Variants in CSMD1 observed in about 807,000 individuals in gnomAD.
The protein encoded by CSMD1 is CUB and Sushi multiple domains 1.
Under a neutral mutation model 417.5 loss-of-function variants are expected in CSMD1, and 213 were observed. That is an observed-to-expected ratio of 0.51 (90% confidence interval 0.46 to 0.57). The LOEUF is 0.57. Ranked by LOEUF, CSMD1 falls within the 20% of genes least tolerant of loss-of-function variation. The pLI, the probability that CSMD1 is intolerant of heterozygous loss-of-function variation, is 0.00. For synonymous variants in CSMD1, 2,862 were observed against 1,736.8 expected, an observed-to-expected ratio of 1.65 and a Z score of -16.11; for missense variants, 6,923 against 4,529.7, an observed-to-expected ratio of 1.53 and a Z score of -15.17.
chr8:3,860,239 C>A (rs1585102395), intron 5 of CSMD1, among the ~76,000 whole-genome samples: 1 of 152,268 alleles, frequency 6.6e-6, no homozygotes, highest in South Asian at 2.1e-4. Context: ...CAACTGCCTA[C>A]TCTGTTTCAG....
intron 21 of CSMD1, among the ~76,000 whole-genome samples, chr8:3,351,913 C>G (rs1222091264): frequency 3.3e-5 from 5 of 151,960 alleles, no homozygotes; most frequent in African/African-American, 4.8e-5. Flanking sequence ...ACTTTTACAT[C>G]TTTTCTCTGT....
chr8:3,395,218 G>A (rs923292428), intron 17 of CSMD1, among the ~76,000 whole-genome samples: 2 of 152,214 alleles, frequency 1.3e-5, no homozygotes, highest in East Asian at 3.9e-4. Flanking sequence ...CTTTACAATA[G>A]TACTTGAGAT....
chr8:2,955,481 C>G, intron 64 of CSMD1, 108 bp downstream of exon 64: 1 of 1,049,718 alleles, frequency 9.5e-7, no homozygotes, highest in Admixed American at 2.4e-5. Context: ...GATGCTGCAG[C>G]CTCATGCTCT....
chr8:4,214,097 C>T (rs970897666), intron 3 of CSMD1, among the ~76,000 whole-genome samples: 7 of 152,006 alleles, frequency 4.6e-5, no homozygotes, highest in African/African-American at 1.2e-4. Context: ...ATCTTACTCC[C>T]TCAATTTCAT....
At chr8:4,795,718 C>A (rs781161495) in intron 1 of CSMD1, among the ~76,000 whole-genome samples, 1 of 152,132 alleles carries the variant, frequency 6.6e-6, no homozygotes, top group Admixed American at 6.5e-5. Context: ...GGCGGAGAGG[C>A]ATCCTGACAG....
At chr8:3,204,189 T>C (rs1797127246) in intron 31 of CSMD1, among the ~76,000 whole-genome samples, 1 of 152,186 alleles carries the variant, frequency 6.6e-6, no homozygotes, top group Admixed American at 6.5e-5. Flanking sequence ...ACTTTTCAAA[T>C]TGGGAAATTA....
chr8:4,125,054 G>T (rs1056424625), intron 3 of CSMD1, among the ~76,000 whole-genome samples: 1 of 152,160 alleles, frequency 6.6e-6, no homozygotes, highest in African/African-American at 2.4e-5. Context: ...TAATTCAGCT[G>T]TAACACTCGC....
At chr8:3,007,363 C>T (rs1425334908) in intron 52 of CSMD1, among the ~76,000 whole-genome samples, 67 of 151,910 alleles carry the variant, frequency 4.4e-4, no homozygotes, top group Non-Finnish European at 8.8e-4. Context: ...GTCAGTGTGG[C>T]GATTCCTCAG....
At chr8:4,135,122 G>A (rs1042887746) in intron 3 of CSMD1, among the ~76,000 whole-genome samples, 1 of 152,096 alleles carries the variant, frequency 6.6e-6, no homozygotes, top group Non-Finnish European at 1.5e-5. Context: ...AAATGTTCTT[G>A]ACGCACACAA....
At chr8:3,952,646 G>C (rs1029332237) in intron 5 of CSMD1, among the ~76,000 whole-genome samples, 24 of 152,074 alleles carry the variant, frequency 1.6e-4, no homozygotes, top group African/African-American at 4.8e-4. Context: ...TGTTTTCCTG[G>C]GGTGATTACA....
At chr8:4,187,839 G>T (rs6990610) in intron 3 of CSMD1, among the ~76,000 whole-genome samples, 1 of 151,970 alleles carries the variant, frequency 6.6e-6, no homozygotes, top group Non-Finnish European at 1.5e-5. Flanking sequence ...GACTTGCTGA[G>T]ACTATTTCAT....
rs73660739 is a variant in CSMD1 at position 4,306,436 on chromosome 8, T to C, written c.415+113517A>G. On this transcript the variant is annotated intron_variant, in intron 3 of 69. Coordinates refer to ENST00000635120, the MANE Select transcript of CSMD1 (RefSeq NM_033225.6). ...ATACAGTATCATCGTGAAAGTTCAA[T>C]TGATAAAAAATATTTTATCACCTCC... Among the ~76,000 whole-genome samples the C allele has an allele frequency of 7.2e-5, 11 of 152,008 alleles. 1 individual carries two copies. The highest frequency in any genetic ancestry group is 1.9e-4 in the African/African-American group (8 of 41,466).
intron 4 of CSMD1, among the ~76,000 whole-genome samples, chr8:4,010,251 G>T (rs901850467): frequency 2.6e-5 from 4 of 152,002 alleles, no homozygotes; most frequent in African/African-American, 9.7e-5. Context: ...GTGACTCATG[G>T]TCTTCCCTCC....
rs775292813 is a variant in CSMD1, at chr8:3,151,443, G to T, written c.5985C>A (p.Pro1995=). The change falls in exon 40 of 70, where the codon CCC becomes CCA. Residue 1995 remains proline, a synonymous_variant. Coordinates refer to ENST00000635120, the MANE Select transcript of CSMD1 (RefSeq NM_033225.6). ...ILSPGFPGSY[P]NNLDCTWRIS... ...TCCTCCAGGTGCAGTCTAAGTTGTTGGGGTAAGAACCTGGGAAGCCGGGGC... is the reference window on the plus strand; with the variant it reads ...TCCTCCAGGTGCAGTCTAAGTTGTTTGGGTAAGAACCTGGGAAGCCGGGGC... The T allele has an allele frequency of 6.2e-7, 1 of 1,613,628 alleles. No individual in the cohort carries two copies. Among genetic ancestry groups the T allele is most frequent in the Non-Finnish European group, 8.5e-7 (1 of 1,179,794 alleles).
intron 5 of CSMD1, among the ~76,000 whole-genome samples, chr8:3,834,308 C>T (rs1802545172): frequency 6.6e-6 from 1 of 152,038 alleles, no homozygotes; most frequent in African/African-American, 2.4e-5. Context: ...TTCCCTTTAC[C>T]CTCTGTGGAT....
rs929024457 is a variant in CSMD1, at chr8:3,522,901, T to C, written c.1345-29175A>G. Among the ~76,000 whole-genome samples, 7 of 150,014 alleles carry C rather than the reference T, an allele frequency of 4.7e-5. No homozygotes were observed. In the East Asian group the frequency reaches 5.8e-4, roughly 12 times the overall value. On this transcript the variant is annotated intron_variant, in intron 10 of 69. Coordinates refer to ENST00000635120, the MANE Select transcript of CSMD1 (RefSeq NM_033225.6). ...TAAATATTACCTTTCAATATATTTA[T>C]ATATTATCATGTATAAAATATCAAT...
At chr8:4,528,914 G>C (rs1307426125) in intron 2 of CSMD1, among the ~76,000 whole-genome samples, 1 of 152,178 alleles carries the variant, frequency 6.6e-6, no homozygotes. Flanking sequence ...GGATTAGCTT[G>C]AGTTCAAGGA....
At chr8:4,299,836 G>T (rs1183721388) in intron 3 of CSMD1, among the ~76,000 whole-genome samples, 1 of 151,994 alleles carries the variant, frequency 6.6e-6, no homozygotes, top group Non-Finnish European at 1.5e-5. Flanking sequence ...TCACCTTCTT[G>T]GCCAGGATGG....
intron 8 of CSMD1, among the ~76,000 whole-genome samples, chr8:3,612,747 A>T (rs970380449): frequency 4.6e-5 from 7 of 152,144 alleles, no homozygotes; most frequent in Non-Finnish European, 8.8e-5. Context: ...AAAACACAGC[A>T]TATCAAAATT....
Sources: gnomAD v4.1 joint callset for allele counts (sites outside exome capture counted in the v4.1 genomes callset) on GRCh38, gnomAD v4.1.1 for gene constraint, MANE v1.5 for transcripts, NCBI Gene and HGNC (gene_info 2026-07-23, HGNC 2026-07-21) for gene names.